Variants in NSMCE2 observed in about 807,000 individuals in gnomAD.
NSMCE2 encodes the protein E3 SUMO-protein ligase NSE2.
NSMCE2 carries 24 observed loss-of-function variants against 23.8 expected under a neutral mutation model. The ratio of observed to expected loss-of-function variants is 1.01; its 90% CI spans 0.73 to 1.42. The LOEUF (loss-of-function observed/expected upper bound fraction) is 1.42. NSMCE2 is among the 40% of genes most tolerant of loss of function. NSMCE2 has a pLI of 0.00. For missense variants in NSMCE2, 284 were observed against 296.5 expected (o/e 0.96, Z 0.31); for synonymous variants, 92 against 94.1 (o/e 0.98, Z 0.13).
In NSMCE2 at chr8:125,357,311, A is replaced by C; in HGVS notation, c.511A>C (p.Ile171Leu). ...TQSQTNFTCP[I>L]TKEEMKKPVK... ...AAGTCAGACCAACTTCACCTGCCCC[A>C]TTACAAAGGTACCGCTTCCTCCTAC... Residue 171 changes from isoleucine to leucine, a missense_variant, in exon 6 of 8, where the codon ATT (isoleucine) becomes CTT (leucine). Physicochemically the swap from Ile to Leu is conservative, Grantham distance 5. Transcript: ENST00000287437. 1 of 1,597,162 alleles carries C rather than the reference A, an allele frequency of 6.3e-7. No individual in the cohort carries two copies. The highest frequency in any genetic ancestry group is 8.6e-7 in the Non-Finnish European group (1 of 1,164,434).
chr8:125,195,982 GT>G (rs764197109), intron 5 of NSMCE2, among the ~76,000 whole-genome samples: 4 of 147,888 alleles, frequency 2.7e-5, no homozygotes, highest in Non-Finnish European at 5.9e-5. Flanking sequence ...CAACTCTTGG[GT>G]TCAAGCAATT....
chr8:125,223,749 T>C (rs1417409829), intron 5 of NSMCE2, among the ~76,000 whole-genome samples: 2 of 152,036 alleles, frequency 1.3e-5, no homozygotes, highest in Non-Finnish European at 1.5e-5. Flanking sequence ...TTTTTCCATA[T>C]ATTTCTTGGC....
At chr8:125,333,441 A>C (rs1829953650) in intron 5 of NSMCE2, among the ~76,000 whole-genome samples, 1 of 143,552 alleles carries the variant, frequency 7.0e-6, no homozygotes, top group African/African-American at 2.6e-5. Context: ...AGAGTCACTG[A>C]GATTACAGGT....
At chr8:125,361,989 C>G (rs560734071) in intron 7 of NSMCE2, among the ~76,000 whole-genome samples, 18 of 152,220 alleles carry the variant, frequency 1.2e-4, no homozygotes, top group Non-Finnish European at 2.2e-4. Context: ...TTCCCCACAG[C>G]TCTGTGGGAC....
chr8:125,102,398 C>T lies in NSMCE2; in HGVS notation c.68C>T (p.Ala23Val). ...GFISFSGVES[A>V]LSSLKNFQAC... is the part of the protein sequence containing the mutation. ...ATCTCCTTCAGTGGTGTAGAGTCTGCTCTCTCCTCCTTGAAAAACTTCCAA... is the reference window on the plus strand; with the variant it reads ...ATCTCCTTCAGTGGTGTAGAGTCTGTTCTCTCCTCCTTGAAAAACTTCCAA... The change falls in exon 3 of 8, where the codon GCT (alanine) becomes GTT (valine). Residue 23 changes from alanine (A) to valine (V), a missense_variant. By Grantham distance (64) the Ala-to-Val change is moderately conservative (BLOSUM62 0). Coordinates refer to ENST00000287437, the MANE Select transcript of NSMCE2 (RefSeq NM_173685.4). 6.2e-7 allele frequency: 1 copy of T among 1,613,048 alleles called. No individual in the cohort carries two copies. Among genetic ancestry groups the T allele is most frequent in the Non-Finnish European group, 8.5e-7 (1 of 1,179,060 alleles).
chr8:125,116,594 A>T (rs918942678), intron 3 of NSMCE2, among the ~76,000 whole-genome samples: 1 of 152,146 alleles, frequency 6.6e-6, no homozygotes, highest in African/African-American at 2.4e-5. Flanking sequence ...GTATATGTGC[A>T]CACATGGGAG....
chr8:125,187,810 GTTAAT>G (rs1390238200), intron 5 of NSMCE2, among the ~76,000 whole-genome samples: 3 of 152,212 alleles, frequency 2.0e-5, no homozygotes, highest in African/African-American at 4.8e-5. Flanking sequence ...AATTTTAAGT[GTTAAT>G]TTAATATGCA....
intron 5 of NSMCE2, among the ~76,000 whole-genome samples, chr8:125,195,935 G>A (rs1823593450): frequency 7.2e-6 from 1 of 138,118 alleles, no homozygotes; most frequent in South Asian, 2.3e-4. Flanking sequence ...CACCCAGGCT[G>A]GAGTGCAGTG....
At chr8:125,332,940 G>C (rs1829930508) in intron 5 of NSMCE2, among the ~76,000 whole-genome samples, 1 of 152,214 alleles carries the variant, frequency 6.6e-6, no homozygotes, top group African/African-American at 2.4e-5. Flanking sequence ...GGGACCTCAA[G>C]AGAGAGGGAT....
At position 125,357,492 on chromosome 8, in the gene NSMCE2, A is replaced by AC. The variant is rs147805726; in HGVS notation, c.519+173_519+174insC. Reference sequence around the variant, plus strand: ...GGTTCTTGGGCTGGAGAGAGCTGTCAGTCAATCATGCCCTGAAGGATCCGG... The same window carrying AC: ...GGTTCTTGGGCTGGAGAGAGCTGTCACGTCAATCATGCCCTGAAGGATCCGG... On this transcript the variant is annotated intron_variant, in intron 6 of 7. Transcript: ENST00000287437. Among the ~76,000 whole-genome samples the AC allele has an allele frequency of 6.3e-3, 959 of 152,362 alleles. 9 individuals carry two copies. Among genetic ancestry groups the AC allele is most frequent in the African/African-American group, 0.022 (932 of 41,578 alleles).
chr8:125,284,715 T>C (rs1488144589), intron 5 of NSMCE2, among the ~76,000 whole-genome samples: 1 of 152,252 alleles, frequency 6.6e-6, no homozygotes, highest in East Asian at 1.9e-4. Flanking sequence ...AGGGCTTTAT[T>C]GGATCACTAT....
intron 5 of NSMCE2, among the ~76,000 whole-genome samples, chr8:125,284,630 A>G (rs1310355595): frequency 1.3e-5 from 2 of 152,252 alleles, no homozygotes; most frequent in Non-Finnish European, 2.9e-5. Flanking sequence ...ACTTGGAAGA[A>G]AATGACATAG....
intron 1 of NSMCE2, among the ~76,000 whole-genome samples, chr8:125,095,780 G>T (rs1817897086): frequency 6.6e-6 from 1 of 151,300 alleles, no homozygotes; most frequent in African/African-American, 2.4e-5. Context: ...TACTGGGGAG[G>T]CTGAGGCAAG....
intron 4 of NSMCE2, among the ~76,000 whole-genome samples, chr8:125,173,569 T>C (rs1053018741): frequency 2.6e-5 from 4 of 152,210 alleles, no homozygotes; most frequent in Non-Finnish European, 5.9e-5. Flanking sequence ...ATACCATCAT[T>C]GTACTCTTTC....
At position 125,357,310 on chromosome 8, in the gene NSMCE2, C is replaced by T; in HGVS notation, c.510C>T (p.Pro170=). 1 of 1,598,914 alleles carries T rather than the reference C, an allele frequency of 6.3e-7. No individual in the cohort carries two copies. Among genetic ancestry groups the T allele is most frequent in the East Asian group, 2.2e-5 (1 of 44,814 alleles). The part of the protein sequence containing the change: ...VTQSQTNFTC[P]ITKEEMKKPV... ...AAAGTCAGACCAACTTCACCTGCCCCATTACAAAGGTACCGCTTCCTCCTA... is the reference window on the plus strand; with the variant it reads ...AAAGTCAGACCAACTTCACCTGCCCTATTACAAAGGTACCGCTTCCTCCTA... Residue 170 remains proline, a synonymous_variant, in exon 6 of 8, where the codon CCC becomes CCT. Transcript: ENST00000287437.
rs1261581149 is a variant in NSMCE2 at position 125,243,910 on chromosome 8, A to G, written c.418+61654A>G. On this transcript the variant is annotated intron_variant, in intron 5 of 7. Coordinates refer to ENST00000287437, the MANE Select transcript of NSMCE2 (RefSeq NM_173685.4). ...GGAAGATCATCTTTGTCACTGAAAGACTCACAACATATCCCACTTCTGTAT... is the reference window on the plus strand; with the variant it reads ...GGAAGATCATCTTTGTCACTGAAAGGCTCACAACATATCCCACTTCTGTAT... Among the ~76,000 whole-genome samples the G allele has an allele frequency of 2.0e-5, 3 of 152,138 alleles. 1 individual carries two copies. Among genetic ancestry groups the G allele is most frequent in the Admixed American group, 2.0e-4 (3 of 15,278 alleles).
chr8:125,217,893 A>T (rs1465332728), intron 5 of NSMCE2, among the ~76,000 whole-genome samples: 4 of 151,648 alleles, frequency 2.6e-5, no homozygotes, highest in African/African-American at 4.8e-5. Context: ...AAAAAAAAAA[A>T]CCAAAACAAA....
intron 3 of NSMCE2, among the ~76,000 whole-genome samples, chr8:125,143,391 A>G (rs185222315): frequency 1.1e-4 from 17 of 152,344 alleles, no homozygotes; most frequent in Non-Finnish European, 2.1e-4. Context: ...CATTTATTCT[A>G]AGAAATTTAA....
At chr8:125,267,049 G>GTCATCCCA (rs1826950212) in intron 5 of NSMCE2, among the ~76,000 whole-genome samples, 1 of 123,780 alleles carries the variant, frequency 8.1e-6, no homozygotes, top group African/African-American at 3.0e-5. Context: ...CTGTCTCCCA[G>GTCATCCCA]GCAGTAGTGC....
Sources: gnomAD v4.1 joint callset for allele counts (sites outside exome capture counted in the v4.1 genomes callset) on GRCh38, gnomAD v4.1.1 for gene constraint, MANE v1.5 for transcripts, NCBI Gene and HGNC (gene_info 2026-07-23, HGNC 2026-07-21) for gene names.